The following LRRC9 variants were observed in gnomAD, a reference collection of about 807,000 sequenced individuals.
LRRC9 encodes leucine rich repeat containing 9, also known as leucine-rich repeat-containing protein 9.
Under a neutral mutation model 63.2 loss-of-function variants are expected in LRRC9, and 122 were observed. The ratio of observed to expected loss-of-function variants is 1.93; its 90% CI spans 1.67 to 2.24. The LOEUF is 2.24. Among genes scored for constraint, LRRC9 ranks in the 30% most tolerant of loss-of-function variants. LRRC9 has a pLI of 0.00. For missense variants in LRRC9, 1,071 were observed against 627.7 expected, an observed-to-expected ratio of 1.71 and a Z score of -7.55; for synonymous variants, 366 against 213.1, an observed-to-expected ratio of 1.72 and a Z score of -6.25.
intron 8 of LRRC9, among the ~76,000 whole-genome samples, chr14:59,950,997 A>C (rs1883058268): frequency 2.9e-5 from 1 of 34,662 alleles, no homozygotes; most frequent in Non-Finnish European, 4.8e-5. Context: ...CTTCTCGAGG[A>C]GTATCTTTGT....
At chr14:59,945,329 T>C (rs1225649904) in intron 8 of LRRC9, among the ~76,000 whole-genome samples, 1 of 152,016 alleles carries the variant, frequency 6.6e-6, no homozygotes, top group Non-Finnish European at 1.5e-5. Flanking sequence ...GTATATATAG[T>C]AATTCCTGTA....
intron 10 of LRRC9, among the ~76,000 whole-genome samples, chr14:59,961,762 A>T (rs1566818648): frequency 6.6e-6 from 1 of 152,256 alleles, no homozygotes; most frequent in Middle Eastern, 3.4e-3. Flanking sequence ...ACAATTTCAA[A>T]TTACCCTTAA....
In LRRC9 at chr14:59,964,195, T is replaced by C. The variant is rs1486324007; in HGVS notation, c.1212-2394T>C. On this transcript the variant is annotated intron_variant, in intron 10 of 31. Transcript: ENST00000445360. This position sits in a 1 kb window ranked among gnomAD's most constrained non-coding sequence, Gnocchi z 4.4. ...TGAATGTAATTTGGAAGGTAACAAA[T>C]GGCTGCAAAGGCTTTTGTTTTGTTT... is the stretch of plus-strand genomic sequence containing the variant. Among the ~76,000 whole-genome samples the C allele has an allele frequency of 6.6e-6, 1 of 152,192 alleles. No individual in the cohort carries two copies. The highest frequency in any genetic ancestry group is 1.9e-4 in the East Asian group (1 of 5,194).
At chr14:59,926,510 A>G (rs1889220044) in intron 1 of LRRC9, among the ~76,000 whole-genome samples, 1 of 152,172 alleles carries the variant, frequency 6.6e-6, no homozygotes, top group Non-Finnish European at 1.5e-5. Flanking sequence ...GAAATCACAC[A>G]CATCATAGGT....
intron 15 of LRRC9, 72 bp downstream of exon 15, chr14:59,978,204 C>T (rs779372509): frequency 6.5e-5 from 43 of 664,096 alleles, no homozygotes; most frequent in Non-Finnish European, 9.9e-5. Flanking sequence ...AATTTGAAGT[C>T]GAATAATGCT....
At chr14:60,054,403 C>T (rs1894121801) in intron 30 of LRRC9, among the ~76,000 whole-genome samples, 1 of 152,058 alleles carries the variant, frequency 6.6e-6, no homozygotes, top group Non-Finnish European at 1.5e-5. Context: ...TCTCTCCCCA[C>T]CCCTTCCAAC....
Position 59,932,064 on chromosome 14 carries a change from T to C in LRRC9, c.543+25T>C. 1.4e-6 allele frequency: 1 copy of C among 692,720 alleles called. No homozygotes were observed. Among genetic ancestry groups the C allele is most frequent in the Non-Finnish European group, 2.6e-6 (1 of 381,206 alleles). 42.9% of individuals were successfully genotyped at this position (692,720 alleles called of 1,614,324 possible). Reference sequence around the variant, plus strand: ...GGTATGTTTAAGTGGAATAATTAATTTTTATTTATCATCCTGAATCATGAA... The same window carrying C: ...GGTATGTTTAAGTGGAATAATTAATCTTTATTTATCATCCTGAATCATGAA... On this transcript the variant is annotated intron_variant, in intron 6 of 31. Coordinates refer to ENST00000445360, the Ensembl canonical transcript of LRRC9. This position sits in a 1 kb window ranked among gnomAD's most constrained non-coding sequence, Gnocchi z 4.7.
chr14:59,943,557 T>G (rs1882021541), intron 7 of LRRC9, among the ~76,000 whole-genome samples: 1 of 152,154 alleles, frequency 6.6e-6, no homozygotes, highest in South Asian at 2.1e-4. Context: ...TAAGCTTTTC[T>G]TTATCAGATA....
Position 59,982,526 on chromosome 14 carries a change from G to C in LRRC9, c.2091+466G>C, listed in dbSNP as rs1594937386. On this transcript the variant is annotated intron_variant, in intron 16 of 31. Transcript: ENST00000445360. ...GGCATCACATGGCAAGAAGGCAAGA[G>C]CAAGAGAGCCAGAGAGAGCTGATTT... 3.9e-5 allele frequency among the ~76,000 whole-genome samples: 6 copies of C among 152,264 alleles called. No individual in the cohort carries two copies. The South Asian group carries it at 1.2e-3, about 32-fold the overall frequency.
chr14:60,065,285 C>A (rs1359364542), downstream of LRRC9, among the ~76,000 whole-genome samples: 2 of 151,730 alleles, frequency 1.3e-5, no homozygotes, highest in African/African-American at 4.8e-5. Flanking sequence ...GAGGCTGAGG[C>A]AGACAAATTG....
rs80004750 is a variant in LRRC9, at chr14:59,924,256, G to A, written c.-33-3655G>A. Among the ~76,000 whole-genome samples the A allele has an allele frequency of 3.9e-3, 590 of 152,306 alleles. 20 individuals are homozygous for A. In the East Asian group the frequency reaches 0.058, roughly 15 times the overall value. On this transcript the variant is annotated intron_variant, in intron 1 of 31. Transcript: ENST00000445360. ...ATAAGGGTTTCTCTTTCCACGAGTAGAGGTGCTGCAAAACACTTTTTAAGC... is the reference window on the plus strand; with the variant it reads ...ATAAGGGTTTCTCTTTCCACGAGTAAAGGTGCTGCAAAACACTTTTTAAGC...
chr14:59,967,046 GC>G (rs1884937194), intron 11 of LRRC9, 49 bp from the exon 12 acceptor site: 2 of 580,110 alleles, frequency 3.4e-6, no homozygotes, highest in Non-Finnish European at 6.4e-6. Flanking sequence ...CTATGGCTAA[GC>G]TTTTGTGAAA....
In LRRC9 at chr14:60,004,310, T is replaced by C. The variant is rs754882096; in HGVS notation, c.2842+512T>C. Reference sequence around the variant, plus strand: ...AAGATAAAGCAGACTAGTTCTGTTTTGAAAATATAAAATTGAGGTTATATT... The same window carrying C: ...AAGATAAAGCAGACTAGTTCTGTTTCGAAAATATAAAATTGAGGTTATATT... On this transcript the variant is annotated intron_variant, in intron 21 of 31. Transcript: ENST00000445360. The surrounding 1 kb of genome is among the most constrained non-coding windows in gnomAD (Gnocchi z 4.8). Among the ~76,000 whole-genome samples the C allele has an allele frequency of 1.8e-4, 27 of 152,124 alleles. No individual in the cohort carries two copies. Among genetic ancestry groups the C allele is most frequent in the Non-Finnish European group, 2.8e-4 (19 of 67,986 alleles).
chr14:59,933,296 T>C (rs1889862987), intron 6 of LRRC9, among the ~76,000 whole-genome samples: 1 of 152,168 alleles, frequency 6.6e-6, no homozygotes, highest in South Asian at 2.1e-4. Context: ...ACCAGCTCTC[T>C]GAGTACAGGA....
At chr14:60,055,930 A>T (rs1315387464) in intron 30 of LRRC9, among the ~76,000 whole-genome samples, 2 of 149,374 alleles carry the variant, frequency 1.3e-5, no homozygotes, top group Non-Finnish European at 3.0e-5. Context: ...AAGTATTGGC[A>T]GGGCTGCATT....
At chr14:59,995,892 G>A (rs866151109) in intron 17 of LRRC9, among the ~76,000 whole-genome samples, 3 of 152,024 alleles carry the variant, frequency 2.0e-5, no homozygotes, top group African/African-American at 4.8e-5. Context: ...ACAGGTATGC[G>A]CCACGATGCC....
Position 59,966,862 on chromosome 14 carries a change from A to C in LRRC9, c.1388+97A>C. The C allele has an allele frequency of 1.8e-6, 1 of 558,106 alleles. No homozygotes were observed. 34.6% of individuals were successfully genotyped at this position (558,106 alleles called of 1,614,324 possible). On this transcript the variant is annotated intron_variant, in intron 11 of 31. Transcript: ENST00000445360. This position sits in a 1 kb window ranked among gnomAD's most constrained non-coding sequence, Gnocchi z 4.0. ...AGTTTACAGCATTAAAAATATACAT[A>C]TACCTTGTTAGTAAATGTTTCCTTT...
At chr14:60,033,493 T>C (rs1892163040) in intron 29 of LRRC9, among the ~76,000 whole-genome samples, 1 of 152,052 alleles carries the variant, frequency 6.6e-6, no homozygotes, top group Non-Finnish European at 1.5e-5. Flanking sequence ...TTCCTACCGG[T>C]TTTGTCTTGA....
chr14:59,946,312 A>G (rs1239266304), intron 8 of LRRC9, among the ~76,000 whole-genome samples: 1 of 150,790 alleles, frequency 6.6e-6, no homozygotes, highest in Non-Finnish European at 1.5e-5. Context: ...TAAAATTAAA[A>G]TTAATAATAA....
Sources: gnomAD v4.1 joint callset for allele counts (sites outside exome capture counted in the v4.1 genomes callset) on GRCh38, gnomAD v4.1.1 for gene constraint, Gnocchi (gnomAD v3.1) non-coding constraint, MANE v1.5 for transcripts, NCBI Gene and HGNC (gene_info 2026-07-23, HGNC 2026-07-21) for gene names.